Variants in ERBB4 observed in about 807,000 individuals in gnomAD.
The protein encoded by ERBB4 is receptor tyrosine-protein kinase erbB-4.
ERBB4 carries 42 observed loss-of-function variants against 158.0 expected under a neutral mutation model. The ratio of observed to expected loss-of-function variants is 0.27; its 90% CI spans 0.21 to 0.34. The LOEUF (loss-of-function observed/expected upper bound fraction) is 0.34, where lower values mean the gene tolerates loss of function less well. Among genes scored for constraint, ERBB4 ranks in the 10% least tolerant of loss-of-function variants. The pLI, the probability that ERBB4 is intolerant of heterozygous loss-of-function variation, is 1.00. For synonymous variants in ERBB4, 583 were observed against 558.7 expected (o/e 1.04, Z -0.61); for missense variants, 1,333 against 1,624.1 (o/e 0.82, Z 3.08).
At chr2:211,708,628 C>G (rs2073546216) in intron 9 of ERBB4, among the ~76,000 whole-genome samples, 1 of 151,728 alleles carries the variant, frequency 6.6e-6, no homozygotes, top group Admixed American at 6.6e-5. Context: ...CTCTCTCTCT[C>G]TCTCTCTCTC....
chr2:212,492,996 C>T (rs1690362315), intron 1 of ERBB4, among the ~76,000 whole-genome samples: 1 of 151,384 alleles, frequency 6.6e-6, no homozygotes, highest in Non-Finnish European at 1.5e-5. Context: ...GTTTAGAAGT[C>T]TGCTAACTTC....
intron 25 of ERBB4, among the ~76,000 whole-genome samples, chr2:211,418,550 T>C (rs1018521527): frequency 6.6e-6 from 1 of 152,188 alleles, no homozygotes; most frequent in Middle Eastern, 3.2e-3. Context: ...TAATTCCATC[T>C]AGCTAGCTCA....
At chr2:211,700,160 C>T (rs979325127) in intron 12 of ERBB4, among the ~76,000 whole-genome samples, 3 of 152,016 alleles carry the variant, frequency 2.0e-5, no homozygotes, top group African/African-American at 7.3e-5. Context: ...TTTAGGGAAA[C>T]ATTCATCAAT....
At chr2:212,333,407 G>A (rs1001036953) in intron 1 of ERBB4, among the ~76,000 whole-genome samples, 2 of 151,606 alleles carry the variant, frequency 1.3e-5, no homozygotes, top group Non-Finnish European at 2.9e-5. Context: ...GGCTGGACAT[G>A]GTGGCTAATG....
At chr2:212,186,857 C>T (rs1269775076) in intron 1 of ERBB4, among the ~76,000 whole-genome samples, 1 of 152,066 alleles carries the variant, frequency 6.6e-6, no homozygotes, top group African/African-American at 2.4e-5. Flanking sequence ...TATATTATAG[C>T]AGTTATTTCT....
intron 5 of ERBB4, among the ~76,000 whole-genome samples, chr2:211,730,874 A>G (rs2074405926): frequency 6.6e-6 from 1 of 152,088 alleles, no homozygotes; most frequent in Non-Finnish European, 1.5e-5. Flanking sequence ...TATTCTAACC[A>G]ATGGGAGAAA....
chr2:212,289,690 A>C (rs1170629882), intron 1 of ERBB4, among the ~76,000 whole-genome samples: 1 of 152,206 alleles, frequency 6.6e-6, no homozygotes, highest in Non-Finnish European at 1.5e-5. Context: ...CTGGAAGGGC[A>C]GTTAGTAGCT....
chr2:211,623,885 A>C, intron 18 of ERBB4, 37 bp downstream of exon 18: 2 of 1,610,304 alleles, frequency 1.2e-6, no homozygotes, highest in South Asian at 2.2e-5. Flanking sequence ...CATCTAAAAC[A>C]AAACTTAACT....
At chr2:211,908,407 A>G (rs1366523883) in intron 3 of ERBB4, among the ~76,000 whole-genome samples, 3 of 151,776 alleles carry the variant, frequency 2.0e-5, no homozygotes, top group African/African-American at 4.8e-5. Context: ...TTTTCTCTCT[A>G]CTATTATACT....
chr2:211,858,037 G>A (rs890349092), intron 3 of ERBB4, among the ~76,000 whole-genome samples: 2 of 152,198 alleles, frequency 1.3e-5, no homozygotes, highest in Non-Finnish European at 2.9e-5. Flanking sequence ...GCATGCATAT[G>A]TTTCTCGATG....
chr2:211,658,107 A>G, intron 15 of ERBB4: 1 of 730,380 alleles, frequency 1.4e-6, no homozygotes, highest in Non-Finnish European at 2.2e-6. Flanking sequence ...ACTATTTTGG[A>G]ACACAATGAA....
chr2:211,587,217 G>A lies in ERBB4; in HGVS notation c.2302-25129C>T, dbSNP rs549000134. Reference sequence around the variant, plus strand: ...ACAAAAAAAAAAAAAATAGCCAGGCGTGGTGGCGAGCACCTGTAATCCCAG... The same window carrying A: ...ACAAAAAAAAAAAAAATAGCCAGGCATGGTGGCGAGCACCTGTAATCCCAG... On this transcript the variant is annotated intron_variant, in intron 19 of 27. Coordinates refer to ENST00000342788, the MANE Select transcript of ERBB4 (RefSeq NM_005235.3). Among the ~76,000 whole-genome samples the A allele has an allele frequency of 1.8e-4, 28 of 151,822 alleles. No homozygotes were observed. In the South Asian group the frequency reaches 3.3e-3, roughly 18 times the overall value.
At chr2:212,393,869 G>A (rs915966433) in intron 1 of ERBB4, among the ~76,000 whole-genome samples, 8 of 152,036 alleles carry the variant, frequency 5.3e-5, no homozygotes, top group African/African-American at 1.9e-4. Context: ...AATAGTAAAA[G>A]AAGTCATTTG....
chr2:212,103,129 C>A (rs1036715162), intron 2 of ERBB4, among the ~76,000 whole-genome samples: 3 of 152,130 alleles, frequency 2.0e-5, no homozygotes, highest in African/African-American at 4.8e-5. Context: ...CTTAGCCACA[C>A]TGAATACTCC....
At chr2:212,382,715 C>T (rs916595254) in intron 1 of ERBB4, among the ~76,000 whole-genome samples, 1 of 151,246 alleles carries the variant, frequency 6.6e-6, no homozygotes, top group African/African-American at 2.4e-5. Flanking sequence ...TCTGCACTAA[C>T]ACCTACATTA....
intron 1 of ERBB4, among the ~76,000 whole-genome samples, chr2:212,498,501 C>T (rs988904552): frequency 6.6e-6 from 1 of 152,034 alleles, no homozygotes; most frequent in Non-Finnish European, 1.5e-5. Flanking sequence ...AAAAACAGTT[C>T]AAGTATTTTC....
intron 3 of ERBB4, among the ~76,000 whole-genome samples, chr2:211,845,596 C>T (rs2077569153): frequency 6.6e-6 from 1 of 152,048 alleles, no homozygotes; most frequent in South Asian, 2.1e-4. Flanking sequence ...ACCATGATTA[C>T]AAATTTAAGA....
chr2:212,090,612 T>C (rs181211629), intron 2 of ERBB4, among the ~76,000 whole-genome samples: 8 of 152,250 alleles, frequency 5.3e-5, no homozygotes, highest in Admixed American at 2.6e-4. Context: ...TGCTCCACAA[T>C]TCTCCATCCT....
At chr2:212,496,084 T>C (rs1318946880) in intron 1 of ERBB4, among the ~76,000 whole-genome samples, 1 of 152,104 alleles carries the variant, frequency 6.6e-6, no homozygotes, top group Non-Finnish European at 1.5e-5. Context: ...CCAATTGTAG[T>C]AATGATCAAA....
Sources: gnomAD v4.1 joint callset for allele counts (sites outside exome capture counted in the v4.1 genomes callset) on GRCh38, gnomAD v4.1.1 for gene constraint, MANE v1.5 for transcripts, NCBI Gene and HGNC (gene_info 2026-07-23, HGNC 2026-07-21) for gene names.